The following TRPM1 variants were observed in gnomAD, a reference collection of about 807,000 sequenced individuals.
TRPM1 encodes the protein transient receptor potential cation channel subfamily M member 1, also known as TRPM1-203 APA Isoform, Intron 10.
In TRPM1, 113 loss-of-function variants were observed where a neutral mutation model predicts 149.4. The observed-to-expected ratio is 0.76, with a 90% CI of 0.65 to 0.88. The LOEUF (loss-of-function observed/expected upper bound fraction) is 0.88, where lower values mean the gene tolerates loss of function less well. Among genes scored for constraint, TRPM1 ranks in the 40% least tolerant of loss-of-function variants. The pLI, the probability that TRPM1 is intolerant of heterozygous loss-of-function variation, is 0.00. For synonymous variants in TRPM1, 741 were observed against 759.5 expected, an observed-to-expected ratio of 0.98 and a Z score of 0.40; for missense variants, 1,976 against 2,038.7, an observed-to-expected ratio of 0.97 and a Z score of 0.59.
intron 1 of TRPM1, among the ~76,000 whole-genome samples, chr15:31,087,445 G>C (rs1477604964): frequency 2.6e-5 from 4 of 151,378 alleles, no homozygotes; most frequent in Non-Finnish European, 5.9e-5. Context: ...TAGTAGAGAC[G>C]GGGTTTCACC....
intron 27 of TRPM1, among the ~76,000 whole-genome samples, chr15:31,014,408 T>C (rs2032287900): frequency 6.6e-6 from 1 of 152,206 alleles, no homozygotes; most frequent in South Asian, 2.1e-4. Flanking sequence ...TATGAGATTC[T>C]TTCTGCTCCT....
chr15:31,048,994 A>G (rs1274651806), intron 13 of TRPM1, among the ~76,000 whole-genome samples: 8 of 152,148 alleles, frequency 5.3e-5, no homozygotes, highest in Admixed American at 4.6e-4. Flanking sequence ...ACTTAGCTCT[A>G]TGTTTTACCC....
intron 1 of TRPM1, among the ~76,000 whole-genome samples, chr15:31,113,523 A>C (rs73375940): frequency 6.6e-6 from 1 of 151,980 alleles, no homozygotes; most frequent in African/African-American, 2.4e-5. Flanking sequence ...CCAAACTGTC[A>C]AAAAACATTT....
At chr15:31,160,480 T>C (rs2036430598) in intron 1 of TRPM1, among the ~76,000 whole-genome samples, 1 of 152,096 alleles carries the variant, frequency 6.6e-6, no homozygotes, top group African/African-American at 2.4e-5. Flanking sequence ...GCCTGAGTCA[T>C]CCCTGGGTCC....
chr15:31,062,473 C>G (rs752013951), intron 9 of TRPM1, 106 bp downstream of exon 9: 1 of 1,451,674 alleles, frequency 6.9e-7, no homozygotes, highest in Admixed American at 1.7e-5. Context: ...CAGAAAAGGC[C>G]GGACTAAAAT....
intron 27 of TRPM1, among the ~76,000 whole-genome samples, chr15:31,005,520 C>A (rs2031957839): frequency 6.6e-6 from 1 of 152,014 alleles, no homozygotes; most frequent in Admixed American, 6.6e-5. Flanking sequence ...TGTCTCAAAT[C>A]TCCCATCCCT....
At chr15:31,115,850 A>G (rs2141029266) in intron 1 of TRPM1, among the ~76,000 whole-genome samples, 1 of 152,000 alleles carries the variant, frequency 6.6e-6, no homozygotes, top group South Asian at 2.1e-4. Flanking sequence ...TTTATTTCTC[A>G]CAGTTCTGGA....
At chr15:31,061,954 C>T (rs2034245719) in intron 9 of TRPM1, among the ~76,000 whole-genome samples, 1 of 152,184 alleles carries the variant, frequency 6.6e-6, no homozygotes, top group African/African-American at 2.4e-5. Flanking sequence ...CCCCAAAGTG[C>T]TGGGATTACA....
chr15:31,160,447 C>T (rs897463380), intron 1 of TRPM1, among the ~76,000 whole-genome samples: 3 of 152,206 alleles, frequency 2.0e-5, no homozygotes, highest in Non-Finnish European at 2.9e-5. Context: ...TGCCAGACCC[C>T]ATCCCCTAAG....
At chr15:31,033,540 T>A (rs1473130882) in intron 21 of TRPM1, among the ~76,000 whole-genome samples, 1 of 152,190 alleles carries the variant, frequency 6.6e-6, no homozygotes, top group East Asian at 1.9e-4. Flanking sequence ...CGCAGAGCCT[T>A]CCCAATGGCA....
At position 31,063,261 on chromosome 15, in the gene TRPM1, G is replaced by A. The variant is rs527784977; in HGVS notation, c.822C>T (p.Leu274=). The A allele has an allele frequency of 3.3e-5, 53 of 1,614,032 alleles. No homozygotes were observed. The East Asian group carries it at 6.2e-4, about 19-fold the overall frequency. Residue 274 remains leucine, a synonymous_variant, in exon 8 of 28, where the codon CTC becomes CTT. Transcript: ENST00000256552. ...RLGQGVPLVG[L]VVEGGPNVVS... ...CCACGTTAGGGCCCCCCTCCACCACGAGACCCACGAGGGGCACGCCCTGCC... is the reference window on the plus strand; with the variant it reads ...CCACGTTAGGGCCCCCCTCCACCACAAGACCCACGAGGGGCACGCCCTGCC...
intron 1 of TRPM1, among the ~76,000 whole-genome samples, chr15:31,091,321 T>C (rs2035231290): frequency 6.6e-6 from 1 of 152,258 alleles, no homozygotes; most frequent in Non-Finnish European, 1.5e-5. Flanking sequence ...CCAAGGCTTT[T>C]GCAAGTATTT....
rs1428353282 is a variant in TRPM1 at position 31,062,569 on chromosome 15, A to G, written c.1089+10T>C. 1 of 1,613,952 alleles carries G rather than the reference A, an allele frequency of 6.2e-7. No individual in the cohort carries two copies. Among genetic ancestry groups the G allele is most frequent in the Non-Finnish European group, 8.5e-7 (1 of 1,180,028 alleles). ...CAGAGCTTGTTTGGAAATAAATTCA[A>G]GACACTTACGAGTTCTTTCTTCTTC... On this transcript the variant is annotated intron_variant, in intron 9 of 27. Transcript: ENST00000256552.
chr15:31,039,326 A>G (rs2033533880), intron 18 of TRPM1, among the ~76,000 whole-genome samples: 1 of 152,190 alleles, frequency 6.6e-6, no homozygotes, highest in South Asian at 2.1e-4. Context: ...ACTGTTTATT[A>G]ATATCCTAAG....
At chr15:31,113,188 C>T (rs957284958) in intron 1 of TRPM1, among the ~76,000 whole-genome samples, 9 of 152,174 alleles carry the variant, frequency 5.9e-5, no homozygotes, top group Admixed American at 1.3e-4. Context: ...CCCACCTTCT[C>T]CAGCTGGTGA....
chr15:31,113,076 C>G (rs1252739480), intron 1 of TRPM1, among the ~76,000 whole-genome samples: 2 of 152,180 alleles, frequency 1.3e-5, no homozygotes, highest in African/African-American at 4.8e-5. Context: ...AGGTTCCTGA[C>G]AGTAGAACCC....
rs2140927686 is a variant in TRPM1 at position 31,040,390 on chromosome 15, C to T, written c.2088-44G>A. 1 of 1,552,102 alleles carries T rather than the reference C, an allele frequency of 6.4e-7. No homozygotes were observed. Among genetic ancestry groups the T allele is most frequent in the Non-Finnish European group, 8.9e-7 (1 of 1,124,416 alleles). On this transcript the variant is annotated intron_variant, in intron 17 of 27. Coordinates refer to ENST00000256552, the MANE Select transcript of TRPM1 (RefSeq NM_001252024.2). This position sits in a 1 kb window ranked among gnomAD's most constrained non-coding sequence, Gnocchi z 4.2. ...GACCAGGGTGAAGCCACAGTGGCCG[C>T]AAGCTGTTTCTTAGACAGGCATATC...
At chr15:31,113,194 G>A (rs552144134) in intron 1 of TRPM1, among the ~76,000 whole-genome samples, 1 of 152,258 alleles carries the variant, frequency 6.6e-6, no homozygotes, top group South Asian at 2.1e-4. Flanking sequence ...TTCTCCAGCT[G>A]GTGAATGGTA....
At chr15:31,151,701 C>T (rs2036306514) in intron 1 of TRPM1, among the ~76,000 whole-genome samples, 1 of 152,234 alleles carries the variant, frequency 6.6e-6, no homozygotes, top group South Asian at 2.1e-4. Context: ...CTGGTTCCCT[C>T]CCTGTCCCAC....
Sources: gnomAD v4.1 joint callset for allele counts (sites outside exome capture counted in the v4.1 genomes callset) on GRCh38, gnomAD v4.1.1 for gene constraint, Gnocchi (gnomAD v3.1) non-coding constraint, MANE v1.5 for transcripts, NCBI Gene and HGNC (gene_info 2026-07-23, HGNC 2026-07-21) for gene names.